The following SLIT3 variants were observed in gnomAD, a reference collection of about 807,000 sequenced individuals.
SLIT3 encodes the protein slit homolog 3 protein.
A neutral mutation model predicts 184.0 loss-of-function variants in SLIT3; 68 were observed. The ratio of observed to expected loss-of-function variants is 0.37; its 90% CI spans 0.30 to 0.45. The LOEUF (loss-of-function observed/expected upper bound fraction) is 0.45, where lower values mean the gene tolerates loss of function less well. Ranked by LOEUF, SLIT3 falls within the 20% of genes least tolerant of loss-of-function variation. SLIT3 has a pLI of 1.00. For missense variants in SLIT3, 1,707 were observed against 2,026.0 expected (o/e 0.84, Z 3.02); for synonymous variants, 831 against 828.6 (o/e 1.00, Z -0.05).
At chr5:169,083,203 G>T (rs1231353862) in intron 4 of SLIT3, among the ~76,000 whole-genome samples, 3 of 152,138 alleles carry the variant, frequency 2.0e-5, no homozygotes, top group Non-Finnish European at 4.4e-5. Flanking sequence ...GCACTGACAG[G>T]TATTTGCATT....
At position 168,753,051 on chromosome 5, in the gene SLIT3, G is replaced by A. The variant is rs763342105; in HGVS notation, c.1877C>T (p.Ala626Val). 3.1e-6 allele frequency: 5 copies of A among 1,614,014 alleles called. No individual in the cohort carries two copies. In the Admixed American group the frequency reaches 8.3e-5, roughly 27 times the overall value. ...LIGCVSNDTFAGLSSVRLLSL... is the reference protein window; with the variant it reads ...LIGCVSNDTFVGLSSVRLLSL... ...CAGCAGTCTCACCGAACTCAGGCCGGCAAAGGTGTCATTACTCACACAGCC... is the reference window on the plus strand; with the variant it reads ...CAGCAGTCTCACCGAACTCAGGCCGACAAAGGTGTCATTACTCACACAGCC... The change falls in exon 18 of 36, where the codon GCC (alanine) becomes GTC (valine). Residue 626 changes from alanine (A) to valine (V), a missense_variant. This residue lies in a region of SLIT3 where 1,307 missense variants were observed against 1,511.6 expected (regional missense o/e 0.86). Transcript: ENST00000519560.
At chr5:168,755,455 CAGAATT>C (rs1754908573) in intron 16 of SLIT3, among the ~76,000 whole-genome samples, 1 of 111,898 alleles carries the variant, frequency 8.9e-6, no homozygotes, top group South Asian at 3.2e-4. Flanking sequence ...CTTTTTGAGA[CAGAATT>C]TCTCTCCTTG....
rs866189476 is a variant in SLIT3 at position 168,884,549 on chromosome 5, G to T, written c.414-1213C>A. Among the ~76,000 whole-genome samples, 44 of 41,146 alleles carry T rather than the reference G, an allele frequency of 1.1e-3. 2 individuals are homozygous for T. The highest frequency in any genetic ancestry group is 4.4e-3 in the African/African-American group (40 of 9,090). 27.0% of individuals were successfully genotyped at this position (41,146 alleles called of 152,430 possible). The stretch of plus-strand genomic sequence containing the variant: ...ATCTAACTACTGCTACCAATTACGA[G>T]ATATATATATATATATATATATATA... On this transcript the variant is annotated intron_variant, in intron 4 of 35. Transcript: ENST00000519560.
chr5:169,158,877 A>C (rs1368785527), intron 4 of SLIT3, among the ~76,000 whole-genome samples: 2 of 152,252 alleles, frequency 1.3e-5, no homozygotes, highest in African/African-American at 4.8e-5. Flanking sequence ...TGTAACCCAC[A>C]AGAAAACAAG....
At chr5:169,217,420 G>A (rs533107067) in intron 3 of SLIT3, among the ~76,000 whole-genome samples, 2 of 152,136 alleles carry the variant, frequency 1.3e-5, no homozygotes, top group Non-Finnish European at 1.5e-5. Context: ...CCCAGGGCTC[G>A]ACTTTGTGGC....
chr5:168,668,275 A>G (rs540244313), intron 35 of SLIT3, among the ~76,000 whole-genome samples: 1 of 152,278 alleles, frequency 6.6e-6, no homozygotes, highest in South Asian at 2.1e-4. Flanking sequence ...ATCAGCTTGG[A>G]TACATATGCG....
chr5:168,869,936 C>T (rs919471437), intron 5 of SLIT3, among the ~76,000 whole-genome samples: 7 of 152,224 alleles, frequency 4.6e-5, no homozygotes, highest in East Asian at 1.9e-4. Context: ...TAATAGCTGT[C>T]GGTGTAAATG....
intron 4 of SLIT3, among the ~76,000 whole-genome samples, chr5:168,982,352 C>T (rs771596963): frequency 6.6e-6 from 1 of 152,144 alleles, no homozygotes; most frequent in African/African-American, 2.4e-5. Context: ...ACACTCAGCT[C>T]TCTCTCCATG....
chr5:168,844,805 G>C, intron 5 of SLIT3, 150 bp from the exon 6 acceptor site: 1 of 640,130 alleles, frequency 1.6e-6, no homozygotes, highest in South Asian at 1.8e-5. Context: ...TGTCTGCCAC[G>C]CTGCTCCGTC....
At chr5:168,970,499 TAA>T (rs35085723) in intron 4 of SLIT3, among the ~76,000 whole-genome samples, 10 of 127,404 alleles carry the variant, frequency 7.8e-5, no homozygotes, top group South Asian at 2.7e-4. Context: ...CTGTCTCAAA[TAA>T]AAAAAAAAAA....
intron 6 of SLIT3, among the ~76,000 whole-genome samples, chr5:168,827,885 G>A (rs533238195): frequency 2.2e-4 from 33 of 152,270 alleles, no homozygotes; most frequent in African/African-American, 5.8e-4. Flanking sequence ...TTGTATTGTC[G>A]ATCTGCTTTT....
At chr5:168,737,841 G>A (rs1763488598) in intron 20 of SLIT3, among the ~76,000 whole-genome samples, 1 of 152,180 alleles carries the variant, frequency 6.6e-6, no homozygotes, top group South Asian at 2.1e-4. Flanking sequence ...TTAGGTTTCA[G>A]TTCTAAAATA....
chr5:169,068,696 AG>A (rs1758438672), intron 4 of SLIT3, among the ~76,000 whole-genome samples: 1 of 152,336 alleles, frequency 6.6e-6, no homozygotes, highest in Admixed American at 6.5e-5. Flanking sequence ...AGCAAGTTTC[AG>A]GATGGCTTCT....
intron 4 of SLIT3, among the ~76,000 whole-genome samples, chr5:168,981,027 TTTC>T (rs1405830200): frequency 8.5e-5 from 13 of 152,222 alleles, no homozygotes; most frequent in African/African-American, 3.1e-4. Flanking sequence ...CTTAGATGAA[TTTC>T]TTCTTTTTGC....
chr5:168,795,411 C>G, intron 10 of SLIT3, 96 bp downstream of exon 10: 1 of 892,816 alleles, frequency 1.1e-6, no homozygotes, highest in South Asian at 1.4e-5. Flanking sequence ...GAGGAATGGA[C>G]ATGGTCCGTC....
intron 5 of SLIT3, among the ~76,000 whole-genome samples, chr5:168,867,095 C>G (rs1486638937): frequency 6.6e-6 from 1 of 152,162 alleles, no homozygotes; most frequent in African/African-American, 2.4e-5. Flanking sequence ...GACCAGAAAT[C>G]AGGATTCAGT....
Position 168,746,397 on chromosome 5 carries a change from GTC to G in SLIT3, c.2270+1903_2270+1904del, listed in dbSNP as rs1561907033. On this transcript the variant is annotated intron_variant, in intron 20 of 35. Coordinates refer to ENST00000519560, the MANE Select transcript of SLIT3 (RefSeq NM_003062.4). ...GAGTGTGGTGGTGTGGGTGTGTGGT[GTC>G]TGGTGGTGTGTAGTGTGTGAGTGTG... 6.4e-3 allele frequency among the ~76,000 whole-genome samples: 461 copies of G among 72,534 alleles called. 11 individuals carry two copies. The highest frequency in any genetic ancestry group is 7.0e-3 in the East Asian group (15 of 2,134). 47.6% of individuals were successfully genotyped at this position (72,534 alleles called of 152,430 possible).
intron 4 of SLIT3, among the ~76,000 whole-genome samples, chr5:169,165,459 A>G (rs1305586756): frequency 6.6e-6 from 1 of 152,234 alleles, no homozygotes; most frequent in Non-Finnish European, 1.5e-5. Context: ...ATATGAAGAT[A>G]GCTAATATTT....
intron 24 of SLIT3, 116 bp downstream of exon 24, chr5:168,712,166 AT>A (rs2113326219): frequency 1.2e-6 from 1 of 840,972 alleles, no homozygotes; most frequent in East Asian, 2.4e-5. Context: ...GTTGTATAAT[AT>A]ACTGTATGCA....
Sources: allele counts gnomAD v4.1 joint callset (sites outside exome capture counted in the v4.1 genomes callset), GRCh38; gene constraint gnomAD v4.1.1; regional missense constraint gnomAD v4.1.1; transcripts MANE v1.5; gene names NCBI Gene and HGNC (gene_info 2026-07-23, HGNC 2026-07-21).